The following LHFPL4 variants were observed in gnomAD, a reference collection of about 807,000 sequenced individuals.
The protein encoded by LHFPL4 is LHFPL tetraspan subfamily member 4 protein.
Under a neutral mutation model 20.0 loss-of-function variants are expected in LHFPL4, and 6 were observed. The ratio of observed to expected loss-of-function variants is 0.30; its 90% confidence interval spans 0.16 to 0.59. LHFPL4 has a LOEUF of 0.59. LHFPL4 is among the 20% of genes least tolerant of loss of function. The pLI is 0.88. For synonymous variants in LHFPL4, 129 were observed against 143.8 expected (o/e 0.90, Z 0.74); for missense variants, 215 against 331.2 (o/e 0.65, Z 2.72).
intron 2 of LHFPL4, among the ~76,000 whole-genome samples, chr3:9,520,243 C>T (rs1299444845): frequency 6.6e-6 from 1 of 151,990 alleles, no homozygotes; most frequent in Non-Finnish European, 1.5e-5. Flanking sequence ...TTCACTTGAG[C>T]CTAGGAATTT....
chr3:9,507,920 C>T (rs1045540896), intron 2 of LHFPL4, among the ~76,000 whole-genome samples: 1 of 152,218 alleles, frequency 6.6e-6, no homozygotes, highest in Admixed American at 6.5e-5. Flanking sequence ...ATGGGGCCCT[C>T]GTATTGCCAG....
In LHFPL4 at chr3:9,552,828, C is replaced by CGGG. The variant is rs2046565465; in HGVS notation, c.-150_-149insCCC. ...CGCGAGGGCGGGGCCTGGGGCAGAGCTGGGGGCGTCTGGGAGCTGCTAAGG... is the reference window on the plus strand; with the variant it reads ...CGCGAGGGCGGGGCCTGGGGCAGAGCGGGTGGGGGCGTCTGGGAGCTGCTAAGG... On this transcript the variant is annotated 5_prime_UTR_variant, in exon 2 of 4. Transcript: ENST00000287585. 1 of 229,696 alleles carries CGGG rather than the reference C, an allele frequency of 4.4e-6. No homozygotes were observed. 14.2% of individuals were successfully genotyped at this position (229,696 alleles called of 1,614,324 possible).
chr3:9,516,780 T>TA (rs2046305470), intron 2 of LHFPL4, among the ~76,000 whole-genome samples: 1 of 113,210 alleles, frequency 8.8e-6, no homozygotes, highest in Non-Finnish European at 1.8e-5. Flanking sequence ...AGCCACACAA[T>TA]CTTTTTTTTT....
At chr3:9,531,046 AG>A (rs1209438241) in intron 2 of LHFPL4, among the ~76,000 whole-genome samples, 3 of 152,328 alleles carry the variant, frequency 2.0e-5, no homozygotes, top group East Asian at 1.9e-4. Context: ...GGAGAGAGAC[AG>A]GGGAACAGCC....
chr3:9,532,811 G>A (rs996950649), intron 2 of LHFPL4, among the ~76,000 whole-genome samples: 5 of 152,052 alleles, frequency 3.3e-5, no homozygotes, highest in Non-Finnish European at 5.9e-5. Context: ...CTCTCCAGAG[G>A]CCCCACTCCC....
At chr3:9,526,301 G>C (rs2046374939) in intron 2 of LHFPL4, among the ~76,000 whole-genome samples, 1 of 152,192 alleles carries the variant, frequency 6.6e-6, no homozygotes, top group Admixed American at 6.5e-5. Context: ...TCTGGAGATG[G>C]ATGGTGGTAA....
intron 2 of LHFPL4, among the ~76,000 whole-genome samples, chr3:9,523,400 A>G (rs887486333): frequency 4.7e-4 from 53 of 112,406 alleles, no homozygotes; most frequent in Middle Eastern, 0.01. Flanking sequence ...AAAAGAAAAA[A>G]AAAAAGAAAA....
At chr3:9,537,892 C>T (rs560877920) in intron 2 of LHFPL4, among the ~76,000 whole-genome samples, 1 of 152,168 alleles carries the variant, frequency 6.6e-6, no homozygotes, top group African/African-American at 2.4e-5. Flanking sequence ...TCTCCTCATC[C>T]CCAGACCTCA....
At position 9,524,223 on chromosome 3, in the gene LHFPL4, CT is replaced by C. The variant is rs200712776; in HGVS notation, c.407-18021del. On this transcript the variant is annotated intron_variant, in intron 2 of 3. Coordinates refer to ENST00000287585, the MANE Select transcript of LHFPL4 (RefSeq NM_198560.3). Reference sequence around the variant, plus strand: ...GGTTTTTTGTTTGTTTGTTTGTTTGCTTTTTTTTTTTGGCATATCCTGCATG... The same window carrying C: ...GGTTTTTTGTTTGTTTGTTTGTTTGCTTTTTTTTTTGGCATATCCTGCATG... Among the ~76,000 whole-genome samples, 75 of 144,480 alleles carry C rather than the reference CT, an allele frequency of 5.2e-4. No homozygotes were observed. In the East Asian group the frequency reaches 9.1e-3, roughly 18 times the overall value. 94.8% of individuals were successfully genotyped at this position (144,480 alleles called of 152,430 possible).
chr3:9,502,190 C>T lies in LHFPL4; in HGVS notation c.*21G>A, dbSNP rs1176373646. On this transcript the variant is annotated 3_prime_UTR_variant, in exon 4 of 4. Transcript: ENST00000287585. ...GGACAAGCTGAGGTCAGGCCAATTA[C>T]TGGGCTGTGATCCTGGCCTTTCAGG... 3 of 1,583,278 alleles carry T rather than the reference C, an allele frequency of 1.9e-6. No individual in the cohort carries two copies. Among genetic ancestry groups the T allele is most frequent in the Non-Finnish European group, 2.6e-6 (3 of 1,152,136 alleles).
chr3:9,509,247 C>G (rs914247821), intron 2 of LHFPL4, among the ~76,000 whole-genome samples: 1 of 126,032 alleles, frequency 7.9e-6, no homozygotes, highest in Non-Finnish European at 1.7e-5. Flanking sequence ...TCGCACCCCC[C>G]TCTCTCTCTC....
At chr3:9,548,876 T>C (rs2046534838) in intron 2 of LHFPL4, among the ~76,000 whole-genome samples, 1 of 152,204 alleles carries the variant, frequency 6.6e-6, no homozygotes, top group African/African-American at 2.4e-5. Flanking sequence ...TTATTCTTTT[T>C]CCACAAGCAC....
rs143699183 is a variant in LHFPL4 at position 9,521,304 on chromosome 3, A to T, written c.407-15101T>A. ...CAGTGGTACGATCATAGCTCACTGCAGCCTTGACTTCTTGGGGTCAAGTGA... is the reference window on the plus strand; with the variant it reads ...CAGTGGTACGATCATAGCTCACTGCTGCCTTGACTTCTTGGGGTCAAGTGA... On this transcript the variant is annotated intron_variant, in intron 2 of 3. Coordinates refer to ENST00000287585, the MANE Select transcript of LHFPL4 (RefSeq NM_198560.3). Among the ~76,000 whole-genome samples, 104 of 150,070 alleles carry T rather than the reference A, an allele frequency of 6.9e-4. 2 individuals carry two copies. The highest frequency in any genetic ancestry group is 2.5e-3 in the African/African-American group (103 of 40,566).
chr3:9,538,892 A>G (rs370050590), intron 2 of LHFPL4, among the ~76,000 whole-genome samples: 1 of 151,638 alleles, frequency 6.6e-6, no homozygotes, highest in East Asian at 2.0e-4. Context: ...TGGAGATGGG[A>G]TTTCACCACA....
At chr3:9,526,484 C>A (rs147824007) in intron 2 of LHFPL4, among the ~76,000 whole-genome samples, 1,891 of 152,280 alleles carry the variant, frequency 0.012, 16 homozygotes, top group Non-Finnish European at 0.02. Context: ...ATTTTGCTCA[C>A]AATTGTAGTC....
chr3:9,536,148 C>G (rs140742294), intron 2 of LHFPL4, among the ~76,000 whole-genome samples: 4 of 152,138 alleles, frequency 2.6e-5, no homozygotes, highest in Middle Eastern at 3.2e-3. Context: ...ACAAGGGGGC[C>G]GTGGTGACAA....
intron 3 of LHFPL4, among the ~76,000 whole-genome samples, chr3:9,503,091 C>T (rs1248050964): frequency 1.3e-5 from 2 of 152,136 alleles, no homozygotes; most frequent in Admixed American, 1.3e-4. Flanking sequence ...CCTCCTGCCT[C>T]AGCCTGTAGC....
At chr3:9,541,512 C>A (rs1457879407) in intron 2 of LHFPL4, among the ~76,000 whole-genome samples, 1 of 152,172 alleles carries the variant, frequency 6.6e-6, no homozygotes, top group African/African-American at 2.4e-5. Flanking sequence ...TGGCTCGCGC[C>A]TGTAATCCCA....
intron 2 of LHFPL4, among the ~76,000 whole-genome samples, chr3:9,539,946 A>G (rs1458582763): frequency 6.6e-6 from 1 of 152,188 alleles, no homozygotes; most frequent in African/African-American, 2.4e-5. Context: ...AATATTTGAT[A>G]ACACACTCAG....
Sources: gnomAD v4.1 joint callset for allele counts (sites outside exome capture counted in the v4.1 genomes callset) on GRCh38, gnomAD v4.1.1 for gene constraint, MANE v1.5 for transcripts, NCBI Gene and HGNC (gene_info 2026-07-23, HGNC 2026-07-21) for gene names.